MTA3: variants seen among roughly 807,000 people sequenced by gnomAD.
MTA3 encodes the protein metastasis-associated protein MTA3.
In MTA3, 34 loss-of-function variants were observed where a neutral mutation model predicts 83.5. The observed-to-expected ratio is 0.41, with a 90% CI of 0.31 to 0.54. The LOEUF is 0.54. MTA3 is among the 20% of genes least tolerant of loss of function. The pLI is 0.33. For synonymous variants in MTA3, 303 were observed against 252.7 expected (o/e 1.20, Z -1.89); for missense variants, 761 against 726.4 (o/e 1.05, Z -0.55).
chr2:42,660,912 G>A (rs1432504176), intron 8 of MTA3, among the ~76,000 whole-genome samples: 1 of 152,124 alleles, frequency 6.6e-6, no homozygotes, highest in Non-Finnish European at 1.5e-5. Context: ...AACTCCTCCT[G>A]GCTTTAAAGC....
At chr2:42,546,038 G>A (rs1029958533) in intron 2 of MTA3, among the ~76,000 whole-genome samples, 1 of 152,126 alleles carries the variant, frequency 6.6e-6, no homozygotes, top group East Asian at 1.9e-4. Flanking sequence ...GCTTCCCTAA[G>A]CCACTCCTGA....
In MTA3 at chr2:42,622,452, G is replaced by C. The variant is rs189091852; in HGVS notation, c.317+12868G>C. ...GGGGAGGGAGAGGGATCTTATTAGA[G>C]TTTTATATTTGTTTCGGGAAATAGT... On this transcript the variant is annotated intron_variant, in intron 4 of 16. Coordinates refer to ENST00000405094, the MANE Select transcript of MTA3 (RefSeq NM_001330442.2). 9.5e-3 allele frequency among the ~76,000 whole-genome samples: 1,441 copies of C among 151,980 alleles called. 9 individuals are homozygous for C. Among genetic ancestry groups the C allele is most frequent in the Non-Finnish European group, 0.013 (863 of 67,986 alleles).
intron 2 of MTA3, among the ~76,000 whole-genome samples, chr2:42,561,312 GTTTA>G (rs971778123): frequency 1.3e-5 from 2 of 150,880 alleles, no homozygotes; most frequent in African/African-American, 4.9e-5. Context: ...TAGCATATCT[GTTTA>G]TTTATTTATT....
chr2:42,545,816 G>A (rs1314163315), intron 2 of MTA3, among the ~76,000 whole-genome samples: 2 of 152,138 alleles, frequency 1.3e-5, no homozygotes, highest in Non-Finnish European at 2.9e-5. Flanking sequence ...CTGAGGTTCA[G>A]GTTAAGATTC....
chr2:42,626,144 A>T (rs7561483), intron 4 of MTA3, among the ~76,000 whole-genome samples: 3 of 149,766 alleles, frequency 2.0e-5, no homozygotes, highest in African/African-American at 7.5e-5. Flanking sequence ...GGGGTTTCAC[A>T]GTGTTAGCCA....
rs35757918 is a variant in MTA3 at position 42,555,604 on chromosome 2, C to CAA, written c.-140-14820_-140-14819dup. On this transcript the variant is annotated intron_variant, in intron 2 of 17. Transcript: ENST00000405592. Reference sequence around the variant, plus strand: ...TGAAACCCCATCTCTACTAAAAATACAAAAAAAAAAAAAATTAGCCAGGTG... The same window carrying CAA: ...TGAAACCCCATCTCTACTAAAAATACAAAAAAAAAAAAAAAATTAGCCAGGTG... Among the ~76,000 whole-genome samples, 154 of 131,254 alleles carry CAA rather than the reference C, an allele frequency of 1.2e-3. 2 individuals carry two copies. Among genetic ancestry groups the CAA allele is most frequent in the African/African-American group, 3.7e-3 (130 of 35,228 alleles). 86.1% of individuals were successfully genotyped at this position (131,254 alleles called of 152,430 possible). A position where few individuals can be genotyped will look rare whatever the true frequency, so the allele number is the denominator to read the frequency against.
intron 2 of MTA3, among the ~76,000 whole-genome samples, chr2:42,536,153 C>T (rs1280879069): frequency 2.0e-5 from 3 of 147,684 alleles, no homozygotes; most frequent in Admixed American, 6.8e-5. Flanking sequence ...ATTTACCCCA[C>T]AACGGTCTCC....
intron 16 of MTA3, among the ~76,000 whole-genome samples, chr2:42,725,028 T>A (rs558476993): frequency 6.6e-6 from 1 of 152,320 alleles, no homozygotes; most frequent in South Asian, 2.1e-4. Context: ...AACACTTCCT[T>A]CTTTAAGACC....
chr2:42,674,719 C>T (rs891961757), intron 8 of MTA3, among the ~76,000 whole-genome samples: 2 of 151,598 alleles, frequency 1.3e-5, no homozygotes, highest in Non-Finnish European at 2.9e-5. Context: ...CTGCCTCAGC[C>T]TCCCGAGTAG....
At chr2:42,610,948 A>G (rs1414987221) in intron 4 of MTA3, among the ~76,000 whole-genome samples, 1 of 150,420 alleles carries the variant, frequency 6.6e-6, no homozygotes, top group Non-Finnish European at 1.5e-5. Flanking sequence ...AAAACTATAT[A>G]TATAGACATA....
chr2:42,655,413 T>A (rs370893543), intron 6 of MTA3, among the ~76,000 whole-genome samples: 1 of 152,318 alleles, frequency 6.6e-6, no homozygotes, highest in Non-Finnish European at 1.5e-5. Context: ...CCCCTGCTGG[T>A]GCATTCGTAC....
At chr2:42,604,190 C>T (rs1394403281) in intron 3 of MTA3, among the ~76,000 whole-genome samples, 1 of 152,120 alleles carries the variant, frequency 6.6e-6, no homozygotes, top group Non-Finnish European at 1.5e-5. Context: ...TACAGGCTCC[C>T]GCCACTATGC....
At chr2:42,581,725 A>G (rs186179599) in intron 3 of MTA3, 2 of 256,548 alleles carry the variant, frequency 7.8e-6, no homozygotes. Context: ...GATTAAATCC[A>G]AAGTATATGA....
chr2:42,691,767 G>T (rs773937012), intron 9 of MTA3, among the ~76,000 whole-genome samples: 1 of 152,140 alleles, frequency 6.6e-6, no homozygotes, highest in Non-Finnish European at 1.5e-5. Flanking sequence ...CATCACGTTT[G>T]AAGGACATTT....
chr2:42,516,668 T>C (rs1675158495), intron 2 of MTA3, among the ~76,000 whole-genome samples: 1 of 152,214 alleles, frequency 6.6e-6, no homozygotes, highest in Admixed American at 6.5e-5. Flanking sequence ...TGCACACAGT[T>C]CAGCCAAAGC....
chr2:42,610,821 A>T lies in MTA3; in HGVS notation c.317+1237A>T, dbSNP rs531194399. Among the ~76,000 whole-genome samples, 8 of 152,116 alleles carry T rather than the reference A, an allele frequency of 5.3e-5. No homozygotes were observed. In the East Asian group the frequency reaches 1.5e-3, roughly 29 times the overall value. On this transcript the variant is annotated intron_variant, in intron 4 of 16. Transcript: ENST00000405094. ...GCAGCAGCTTGTGACCAGGGTAAGG[A>T]TGTGTGAGCAAGTGCAGTGTTTCAC...
Position 42,644,195 on chromosome 2 carries a change from C to T in MTA3, c.450C>T (p.Ile150=). 1 of 1,613,102 alleles carries T rather than the reference C, an allele frequency of 6.2e-7. No homozygotes were observed. Among genetic ancestry groups the T allele is most frequent in the Non-Finnish European group, 8.5e-7 (1 of 1,179,504 alleles). The part of the protein sequence containing the change: ...LKTLLADKGE[I]RVGPRYQADI... ...CACTATTAGCTGACAAAGGTGAAATCAGAGTGGGACCTAGATATCAAGCAG... is the reference window on the plus strand; with the variant it reads ...CACTATTAGCTGACAAAGGTGAAATTAGAGTGGGACCTAGATATCAAGCAG... The change falls in exon 6 of 17, where the codon ATC becomes ATT. Residue 150 remains isoleucine (I), a synonymous_variant. Transcript: ENST00000405094.
intron 16 of MTA3, among the ~76,000 whole-genome samples, chr2:42,747,809 A>C (rs1669552363): frequency 1.3e-5 from 2 of 151,932 alleles, no homozygotes; most frequent in Admixed American, 1.3e-4. Context: ...GTCATTTGGT[A>C]AACTATATAT....
At position 42,704,263 on chromosome 2, in the gene MTA3, G is replaced by C; in HGVS notation, c.1095G>C (p.Gly365=). The C allele has an allele frequency of 6.2e-7, 1 of 1,613,950 alleles. No individual in the cohort carries two copies. The highest frequency in any genetic ancestry group is 8.5e-7 in the Non-Finnish European group (1 of 1,179,864). The change falls in exon 12 of 17, where the codon GGG becomes GGC. Residue 365 remains glycine, a synonymous_variant. Transcript: ENST00000405094. ...CTGGTGCTGTGAATGGAGCTGTGGGGACCACGTTCCAGCCTCAGAATCCTC... is the reference window on the plus strand; with the variant it reads ...CTGGTGCTGTGAATGGAGCTGTGGGCACCACGTTCCAGCCTCAGAATCCTC... The part of the protein sequence containing the change: ...GKPGAVNGAV[G]TTFQPQNPLL...
Sources: allele counts gnomAD v4.1 joint callset (sites outside exome capture counted in the v4.1 genomes callset), GRCh38; gene constraint gnomAD v4.1.1; transcripts MANE v1.5; gene names NCBI Gene and HGNC (gene_info 2026-07-23, HGNC 2026-07-21).